The following CARM1 variants were observed in gnomAD, a reference collection of about 807,000 sequenced individuals.
CARM1 encodes the protein coactivator associated arginine methyltransferase 1, also known as histone-arginine methyltransferase CARM1.
In CARM1, 14 loss-of-function variants were observed where a neutral mutation model predicts 72.7. That is an observed-to-expected ratio of 0.19 (90% CI 0.13 to 0.30). CARM1 has a LOEUF of 0.30. Among genes scored for constraint, CARM1 ranks in the 10% least tolerant of loss-of-function variants. The probability of loss-of-function intolerance (pLI) is 1.00; values close to 1 mark genes in which losing one functional copy is unlikely to be tolerated. For synonymous variants in CARM1, 333 were observed against 345.5 expected, an observed-to-expected ratio of 0.96 and a Z score of 0.40; for missense variants, 432 against 833.7, an observed-to-expected ratio of 0.52 and a Z score of 5.93.
rs148378841 is a variant in CARM1, at chr19:10,908,072, G to T, written c.380G>T (p.Cys127Phe). The T allele has an allele frequency of 1.2e-5, 19 of 1,613,884 alleles. No homozygotes were observed. The African/African-American group carries it at 2.1e-4, about 18-fold the overall frequency. ...FCSFYNILKT[C>F]RGHTLERSVF... ...TCCTTCTACAACATCCTGAAAACCT[G>T]CCGGGGCCACACCCTGGAGCGGTCT... The change falls in exon 3 of 16, where the codon TGC becomes TTC. Residue 127 changes from cysteine (C) to phenylalanine (F), a missense_variant. By Grantham distance (205) the Cys-to-Phe change is radical (BLOSUM62 -2). Coordinates refer to ENST00000327064, the MANE Select transcript of CARM1 (RefSeq NM_199141.2).
At chr19:10,884,974 G>A (rs1477039727) in intron 1 of CARM1, among the ~76,000 whole-genome samples, 1 of 152,212 alleles carries the variant, frequency 6.6e-6, no homozygotes. Context: ...CCAAAGTGCT[G>A]GGATTACAGA....
chr19:10,919,829 G>A (rs1288448956), intron 9 of CARM1, 48 bp from the exon 10 acceptor site: 17 of 1,544,758 alleles, frequency 1.1e-5, no homozygotes, highest in Non-Finnish European at 1.5e-5. Flanking sequence ...TTCTCTCTCG[G>A]CAGCGCCTGT....
At position 10,922,597 on chromosome 19, in the gene CARM1, G is replaced by C. The variant is rs2074275541; in HGVS notation, c.*840G>C. The C allele has an allele frequency of 6.6e-6, 1 of 151,832 alleles. No individual in the cohort carries two copies. The highest frequency in any genetic ancestry group is 2.1e-4 in the South Asian group (1 of 4,826). The allele number at this position is 151,832 out of a possible 1,614,324, so 9.4% of individuals were successfully genotyped here. A position where few individuals can be genotyped will look rare whatever the true frequency, so the allele number is the denominator to read the frequency against. On this transcript the variant is annotated 3_prime_UTR_variant, in exon 16 of 16. Coordinates refer to ENST00000327064, the MANE Select transcript of CARM1 (RefSeq NM_199141.2). ...GTCACGGAAGGCGTCCTTTTTCCTT[G>C]TAGCTAACGTTAGGCCTGAGTAGCT...
rs1485770058 is a variant in CARM1 at position 10,920,366 on chromosome 19, AG to A, written c.1197-68del. The stretch of plus-strand genomic sequence containing the variant: ...GGGGCAGGTGCTTGGGGAGGACTCA[AG>A]GCATACAAGGTGGTGGCTCCAGTGG... On this transcript the variant is annotated intron_variant, in intron 10 of 15. Transcript: ENST00000327064. The surrounding 1 kb of genome is among the most constrained non-coding windows in gnomAD (Gnocchi z 5.3). The A allele has an allele frequency of 6.5e-7, 1 of 1,546,902 alleles. No homozygotes were observed. The highest frequency in any genetic ancestry group is 8.8e-7 in the Non-Finnish European group (1 of 1,138,698).
chr19:10,905,341 C>T (rs1444052126), intron 2 of CARM1, among the ~76,000 whole-genome samples: 1 of 152,248 alleles, frequency 6.6e-6, no homozygotes, highest in Non-Finnish European at 1.5e-5. Flanking sequence ...CCCATCCTGA[C>T]CACCTGGGAC....
At chr19:10,900,997 T>TC (rs749294713) in intron 1 of CARM1, among the ~76,000 whole-genome samples, 2,320 of 150,820 alleles carry the variant, frequency 0.015, 32 homozygotes, top group Middle Eastern at 0.024. Context: ...TTTTTTTTTT[T>TC]CTGAAGCGGA....
In CARM1 at chr19:10,912,364, G is replaced by C; in HGVS notation, c.669+70G>C. 8.7e-7 allele frequency: 1 copy of C among 1,155,768 alleles called. No individual in the cohort carries two copies. The highest frequency in any genetic ancestry group is 2.3e-5 in the East Asian group (1 of 42,562). 71.6% of individuals were successfully genotyped at this position (1,155,768 alleles called of 1,614,324 possible). On this transcript the variant is annotated intron_variant, in intron 5 of 15. Coordinates refer to ENST00000327064, the MANE Select transcript of CARM1 (RefSeq NM_199141.2). This position sits in a 1 kb window ranked among gnomAD's most constrained non-coding sequence, Gnocchi z 4.5. ...AGTGCCATGCCGGCCCCAGCCTAGAGAAGCTTGGGAACCCCCAGGGGCCTG... is the reference window on the plus strand; with the variant it reads ...AGTGCCATGCCGGCCCCAGCCTAGACAAGCTTGGGAACCCCCAGGGGCCTG...
chr19:10,904,413 G>T lies in CARM1; in HGVS notation c.221-538G>T, dbSNP rs148439513. Reference sequence around the variant, plus strand: ...GTAACAGCTATCATGATGGGTACAGGGAGACAGTGTCCTAATTCACTAGAC... The same window carrying T: ...GTAACAGCTATCATGATGGGTACAGTGAGACAGTGTCCTAATTCACTAGAC... On this transcript the variant is annotated intron_variant, in intron 1 of 15. Coordinates refer to ENST00000327064, the MANE Select transcript of CARM1 (RefSeq NM_199141.2). Among the ~76,000 whole-genome samples the T allele has an allele frequency of 3.3e-5, 5 of 152,338 alleles. No homozygotes were observed. In the East Asian group the frequency reaches 9.6e-4, roughly 29 times the overall value.
chr19:10,879,409 A>T (rs1170772380), intron 1 of CARM1, among the ~76,000 whole-genome samples: 2 of 152,162 alleles, frequency 1.3e-5, no homozygotes, highest in Non-Finnish European at 2.9e-5. Context: ...GTTTCCATGG[A>T]CAAAGAGAGA....
chr19:10,891,196 T>A (rs564405976), intron 1 of CARM1, among the ~76,000 whole-genome samples: 26 of 152,014 alleles, frequency 1.7e-4, no homozygotes, highest in Non-Finnish European at 3.5e-4. Flanking sequence ...TTTGTGCCAA[T>A]GCCACACTAC....
Position 10,922,069 on chromosome 19 carries a change from G to A in CARM1, c.*312G>A, listed in dbSNP as rs1485693167. ...TGCTGGAACAGGCGCCATGGGGCCT[G>A]CCAGCCCTGCCTGCCAGGTCCCTTA... is the stretch of plus-strand genomic sequence containing the variant. On this transcript the variant is annotated 3_prime_UTR_variant, in exon 16 of 16. Transcript: ENST00000327064. The A allele has an allele frequency of 2.2e-5, 5 of 231,144 alleles. No individual in the cohort carries two copies. Among genetic ancestry groups the A allele is most frequent in the Non-Finnish European group, 3.4e-5 (4 of 119,378 alleles). 14.3% of individuals were successfully genotyped at this position (231,144 alleles called of 1,614,324 possible).
intron 1 of CARM1, among the ~76,000 whole-genome samples, chr19:10,902,290 CTTTTTTTTTTTT>C (rs869120010): frequency 1.7e-5 from 2 of 114,782 alleles, no homozygotes; most frequent in Admixed American, 1.9e-4. Flanking sequence ...ATTGTTGTTT[CTTTTTTTTTTTT>C]TTTTTTTTTG....
At chr19:10,891,421 C>T (rs2145201984) in intron 1 of CARM1, among the ~76,000 whole-genome samples, 1 of 152,232 alleles carries the variant, frequency 6.6e-6, no homozygotes, top group Non-Finnish European at 1.5e-5. Context: ...GGTCAGGGAG[C>T]CCCGATGCCC....
chr19:10,871,680 C>CG lies in CARM1; in HGVS notation c.-19dup. The CG allele has an allele frequency of 1.5e-6, 1 of 649,724 alleles. No homozygotes were observed. The highest frequency in any genetic ancestry group is 6.5e-5 in the South Asian group (1 of 15,306). The allele number at this position is 649,724 out of a possible 1,614,324, so 40.2% of individuals were successfully genotyped here. On this transcript the variant is annotated 5_prime_UTR_variant, in exon 1 of 16. Coordinates refer to ENST00000327064, the MANE Select transcript of CARM1 (RefSeq NM_199141.2). The surrounding 1 kb of genome is among the most constrained non-coding windows in gnomAD (Gnocchi z 5.6). ...GGCCCGGGCGCAGCGGCGGCGGCGG[C>CG]GGGGCCTGGAGCCGGATCTAAGATG...
At chr19:10,876,545 C>T (rs2073866241) in intron 1 of CARM1, among the ~76,000 whole-genome samples, 1 of 152,248 alleles carries the variant, frequency 6.6e-6, no homozygotes, top group Admixed American at 6.5e-5. Flanking sequence ...GACGTCTGCA[C>T]CCTCCAGGGG....
chr19:10,889,687 A>G (rs1415155203), intron 1 of CARM1, among the ~76,000 whole-genome samples: 1 of 152,098 alleles, frequency 6.6e-6, no homozygotes, highest in Non-Finnish European at 1.5e-5. Context: ...AAGTAGATTC[A>G]ACACTTTGAC....
Position 10,871,708 on chromosome 19 carries a change from A to G in CARM1, c.6A>G (p.Ala2=), listed in dbSNP as rs1434074365. Residue 2 remains alanine (A), a synonymous_variant, in exon 1 of 16, where the codon GCA becomes GCG. Coordinates refer to ENST00000327064, the MANE Select transcript of CARM1 (RefSeq NM_199141.2). This position sits in a 1 kb window ranked among gnomAD's most constrained non-coding sequence, Gnocchi z 5.6. The part of the protein sequence containing the change: M[A]AAAAAVGPGA... Reference sequence around the variant, plus strand: ...GGCCTGGAGCCGGATCTAAGATGGCAGCGGCGGCGGCGGCGGTGGGGCCGG... The same window carrying G: ...GGCCTGGAGCCGGATCTAAGATGGCGGCGGCGGCGGCGGCGGTGGGGCCGG... 10 of 840,190 alleles carry G rather than the reference A, an allele frequency of 1.2e-5. No individual in the cohort carries two copies. The highest frequency in any genetic ancestry group is 2.0e-5 in the African/African-American group (1 of 50,850). The allele number at this position is 840,190 out of a possible 1,614,324, so 52.0% of individuals were successfully genotyped here. A position where few individuals can be genotyped will look rare whatever the true frequency, so the allele number is the denominator to read the frequency against.
intron 1 of CARM1, among the ~76,000 whole-genome samples, chr19:10,885,178 T>C (rs755228937): frequency 6.6e-5 from 10 of 152,206 alleles, no homozygotes; most frequent in Admixed American, 2.0e-4. Flanking sequence ...TTTCCCTGTC[T>C]GTTCCTCTCA....
intron 1 of CARM1, among the ~76,000 whole-genome samples, chr19:10,879,539 T>A (rs931340919): frequency 2.6e-5 from 4 of 152,140 alleles, no homozygotes; most frequent in Non-Finnish European, 5.9e-5. Flanking sequence ...GACAGCCACC[T>A]GGCTTGGAGC....
Sources: allele counts gnomAD v4.1 joint callset (sites outside exome capture counted in the v4.1 genomes callset), GRCh38; gene constraint gnomAD v4.1.1; non-coding constraint Gnocchi (gnomAD v3.1); transcripts MANE v1.5; gene names NCBI Gene and HGNC (gene_info 2026-07-23, HGNC 2026-07-21).